Variants in RMND1 observed in about 807,000 individuals in gnomAD.
RMND1 encodes required for meiotic nuclear division 1 homolog.
A neutral mutation model predicts 54.0 loss-of-function variants in RMND1; 41 were observed. The observed-to-expected ratio is 0.76, with a 90% CI of 0.59 to 0.98. RMND1 has a LOEUF of 0.98. Among genes scored for constraint, RMND1 ranks in the 50% least tolerant of loss-of-function variants. The pLI is 0.00. For missense variants in RMND1, 457 were observed against 532.0 expected (o/e 0.86, Z 1.39); for synonymous variants, 183 against 181.7 (o/e 1.01, Z -0.06).
At chr6:151,405,425 G>T (rs927145414) in intron 11 of RMND1, among the ~76,000 whole-genome samples, 158 bp from the exon 12 acceptor site, 1 of 152,186 alleles carries the variant, frequency 6.6e-6, no homozygotes, top group African/African-American at 2.4e-5. Flanking sequence ...ACGGGTGCTT[G>T]ATTTGATGTT....
chr6:151,448,863 G>T (rs985499235), intron 1 of RMND1, among the ~76,000 whole-genome samples: 2 of 151,942 alleles, frequency 1.3e-5, no homozygotes, highest in Non-Finnish European at 2.9e-5. Flanking sequence ...GATCACTTGG[G>T]GTCAGGAGTT....
At chr6:151,430,297 GTACT>G (rs1780416616) in intron 4 of RMND1, 120 bp from the exon 5 acceptor site, 1 of 641,532 alleles carries the variant, frequency 1.6e-6, no homozygotes, top group African/African-American at 1.8e-5. Context: ...AAATATGATG[GTACT>G]TACTAATTTG....
chr6:151,416,091 G>C (rs1166457300), intron 10 of RMND1, among the ~76,000 whole-genome samples: 1 of 151,910 alleles, frequency 6.6e-6, no homozygotes, highest in Non-Finnish European at 1.5e-5. Context: ...CGATTCTGCT[G>C]CCTCAGCCTC....
chr6:151,439,050 G>A (rs1432749848), intron 2 of RMND1, among the ~76,000 whole-genome samples: 1 of 152,144 alleles, frequency 6.6e-6, no homozygotes, highest in African/African-American at 2.4e-5. Context: ...GGAGGCCGAG[G>A]TTGCAGTGAG....
At chr6:151,410,804 G>T (rs551825238) in intron 10 of RMND1, among the ~76,000 whole-genome samples, 1 of 152,072 alleles carries the variant, frequency 6.6e-6, no homozygotes, top group African/African-American at 2.4e-5. Flanking sequence ...GCAGTATAAC[G>T]AAAGATAACC....
Position 151,450,934 on chromosome 6 carries a change from T to C in RMND1, c.-15+1082A>G, listed in dbSNP as rs367628719. Among the ~76,000 whole-genome samples the C allele has an allele frequency of 3.4e-4, 52 of 152,308 alleles. No individual in the cohort carries two copies. In the East Asian group the frequency reaches 7.1e-3, roughly 21 times the overall value. ...CCTGTGCTCTCTGAAACATGTGCTG[T>C]GTCCACTCAGAGTTGAATGGATTAA... On this transcript the variant is annotated intron_variant, in intron 1 of 11. Transcript: ENST00000444024.
chr6:151,425,520 C>T (rs1399807909), intron 6 of RMND1, among the ~76,000 whole-genome samples: 2 of 152,082 alleles, frequency 1.3e-5, no homozygotes, highest in Non-Finnish European at 2.9e-5. Context: ...CAAAAGTAAT[C>T]GCGGTTTTTG....
intron 6 of RMND1, among the ~76,000 whole-genome samples, chr6:151,426,054 T>TGCCTCC (rs200326875): frequency 0.062 from 9,373 of 151,602 alleles, 409 homozygotes; most frequent in Non-Finnish European, 0.093. Flanking sequence ...AGCAATTCTC[T>TGCCTCC]GCCTCCGCCT....
chr6:151,423,196 A>G (rs527404510), intron 7 of RMND1, among the ~76,000 whole-genome samples: 1 of 152,336 alleles, frequency 6.6e-6, no homozygotes, highest in Admixed American at 6.5e-5. Flanking sequence ...CCAGTCACAC[A>G]AGGCTGGGCT....
At chr6:151,422,390 T>G (rs1780176174) in intron 8 of RMND1, 151 bp downstream of exon 8, 1 of 461,890 alleles carries the variant, frequency 2.2e-6, no homozygotes, top group Admixed American at 4.1e-5. Flanking sequence ...TATCAGGGAT[T>G]TGGACACTGG....
rs147530723 is a variant in RMND1, at chr6:151,440,416, T to C, written c.505-3862A>G. Among the ~76,000 whole-genome samples the C allele has an allele frequency of 1.4e-3, 212 of 152,366 alleles. 1 individual carries two copies. The highest frequency in any genetic ancestry group is 4.9e-3 in the African/African-American group (204 of 41,586). ...AACGGCAAATTGAGAATGTGTACTA[T>C]TTTCAACTCTCAAGGACAGGACAAG... is the stretch of plus-strand genomic sequence containing the variant. On this transcript the variant is annotated intron_variant, in intron 2 of 11. Coordinates refer to ENST00000444024, the MANE Select transcript of RMND1 (RefSeq NM_017909.4).
At chr6:151,436,099 C>G (rs1780598537) in intron 3 of RMND1, 1 of 200,008 alleles carries the variant, frequency 5.0e-6, no homozygotes, top group South Asian at 6.9e-5. Flanking sequence ...GAGTGAAACT[C>G]CATCCCAAAA....
chr6:151,432,941 G>C (rs1780488283), intron 4 of RMND1, among the ~76,000 whole-genome samples: 1 of 152,148 alleles, frequency 6.6e-6, no homozygotes, highest in African/African-American at 2.4e-5. Context: ...TCATTCACTT[G>C]TTTGAAATAT....
intron 6 of RMND1, among the ~76,000 whole-genome samples, chr6:151,426,852 C>A (rs1276325576): frequency 6.6e-6 from 1 of 152,012 alleles, no homozygotes. Context: ...TCACTGCAAC[C>A]TCCGCCTCCC....
intron 8 of RMND1, 58 bp downstream of exon 8, chr6:151,422,483 T>A: frequency 1.1e-6 from 1 of 870,980 alleles, no homozygotes; most frequent in Non-Finnish European, 1.7e-6. Context: ...ATTGGGAAAT[T>A]CATATTTTTT....
chr6:151,445,291 G>C lies in RMND1; in HGVS notation c.504+17C>G. On this transcript the variant is annotated intron_variant, in intron 2 of 11. Coordinates refer to ENST00000444024, the MANE Select transcript of RMND1 (RefSeq NM_017909.4). ...AATGATCACTAAGCACGAGAGCCACGGCCACCCCTACTTTACCTCGTTCAC... is the reference window on the plus strand; with the variant it reads ...AATGATCACTAAGCACGAGAGCCACCGCCACCCCTACTTTACCTCGTTCAC... 1 of 1,590,414 alleles carries C rather than the reference G, an allele frequency of 6.3e-7. No homozygotes were observed. Among genetic ancestry groups the C allele is most frequent in the African/African-American group, 1.4e-5 (1 of 73,912 alleles).
At position 151,427,501 on chromosome 6, in the gene RMND1, G is replaced by C; in HGVS notation, c.811C>G (p.Leu271Val). The C allele has an allele frequency of 2.5e-6, 4 of 1,607,222 alleles. No homozygotes were observed. The highest frequency in any genetic ancestry group is 3.4e-6 in the Non-Finnish European group (4 of 1,174,364). ...GCTTACTCTATTTTTATGTAGTTAAGTTCTTCATTTTCCCAGTGTACCAGT... is the reference window on the plus strand; with the variant it reads ...GCTTACTCTATTTTTATGTAGTTAACTTCTTCATTTTCCCAGTGTACCAGT... ...IALVHWENEE[L>V]NYIKIEGQSK... is the part of the protein sequence containing the mutation. Residue 271 changes from leucine (L) to valine (V), a missense_variant, in exon 6 of 12, where the codon CTT becomes GTT. By Grantham distance (32) the Leu-to-Val change is conservative. Transcript: ENST00000444024.
chr6:151,417,112 A>T (rs1780027494), intron 10 of RMND1, 167 bp downstream of exon 10: 7 of 637,470 alleles, frequency 1.1e-5, no homozygotes, highest in Non-Finnish European at 1.5e-5. Context: ...ATATCAGAAG[A>T]TCCTTTGACA....
At chr6:151,416,664 T>G (rs1233864860) in intron 10 of RMND1, 1 of 152,132 alleles carries the variant, frequency 6.6e-6, no homozygotes, top group Non-Finnish European at 1.5e-5. Flanking sequence ...CCTCAGGTGA[T>G]CCATCCGCCT....
Sources: allele counts gnomAD v4.1 joint callset (sites outside exome capture counted in the v4.1 genomes callset), GRCh38; gene constraint gnomAD v4.1.1; transcripts MANE v1.5; gene names NCBI Gene and HGNC (gene_info 2026-07-23, HGNC 2026-07-21).